Variants in FRMD4A observed in about 807,000 individuals in gnomAD.
FRMD4A encodes the protein FERM domain-containing protein 4A.
Under a neutral mutation model 129.1 loss-of-function variants are expected in FRMD4A, and 29 were observed. The ratio of observed to expected loss-of-function variants is 0.22; its 90% confidence interval spans 0.17 to 0.31. The LOEUF is 0.31. Among genes scored for constraint, FRMD4A ranks in the 10% least tolerant of loss-of-function variants. The probability of loss-of-function intolerance (pLI) is 1.00; values close to 1 mark genes in which losing one functional copy is unlikely to be tolerated. For missense variants in FRMD4A, 1,272 were observed against 1,375.8 expected (o/e 0.92, Z 1.19); for synonymous variants, 634 against 571.6 (o/e 1.11, Z -1.56).
At chr10:14,075,085 G>A (rs1870749) in intron 2 of FRMD4A, among the ~76,000 whole-genome samples, 5,059 of 152,204 alleles carry the variant, frequency 0.033, 137 homozygotes, top group African/African-American at 0.08. Context: ...CAGTGCTAAC[G>A]TAGCACTGCC....
intron 2 of FRMD4A, among the ~76,000 whole-genome samples, chr10:14,151,584 T>A (rs1840340908): frequency 6.6e-6 from 1 of 151,814 alleles, no homozygotes; most frequent in African/African-American, 2.4e-5. Flanking sequence ...GGGAGTCCAA[T>A]CCCCCCTTTA....
chr10:14,057,170 G>A (rs1043047481), intron 2 of FRMD4A, among the ~76,000 whole-genome samples: 3 of 152,192 alleles, frequency 2.0e-5, no homozygotes, highest in African/African-American at 7.2e-5. Flanking sequence ...GTTATGTAAT[G>A]TAATATTGTC....
intron 2 of FRMD4A, among the ~76,000 whole-genome samples, chr10:14,087,184 C>T: frequency 6.8e-6 from 1 of 147,704 alleles, no homozygotes; most frequent in Middle Eastern, 3.5e-3. Context: ...TAATTATATA[C>T]TACATAAATT....
intron 2 of FRMD4A, among the ~76,000 whole-genome samples, chr10:13,950,722 C>T (rs984241187): frequency 6.6e-6 from 1 of 152,194 alleles, no homozygotes; most frequent in Admixed American, 6.5e-5. Flanking sequence ...CATTTGCACG[C>T]CCGCTTCCCT....
chr10:13,684,507 G>A (rs557339704), intron 15 of FRMD4A: 110 of 985,070 alleles, frequency 1.1e-4, no homozygotes, highest in Non-Finnish European at 1.2e-4. Context: ...TGGAGGCAAC[G>A]CCAGCAGCAC....
rs10706168 is a variant in FRMD4A at position 13,728,573 on chromosome 10, C to CTTTTTTTTT, written c.759+9262_759+9270dup. On this transcript the variant is annotated intron_variant, in intron 12 of 24. Coordinates refer to ENST00000357447, the MANE Select transcript of FRMD4A (RefSeq NM_018027.5). ...TCAGTGCTTTCAGGTGATTACCATT[C>CTTTTTTTTT]TTTTTTTTTTTTTTTTTGAGATGGA... Among the ~76,000 whole-genome samples, 605 of 78,292 alleles carry CTTTTTTTTT rather than the reference C, an allele frequency of 7.7e-3. 59 individuals are homozygous for CTTTTTTTTT. The highest frequency in any genetic ancestry group is 0.014 in the South Asian group (25 of 1,794). 51.4% of individuals were successfully genotyped at this position (78,292 alleles called of 152,430 possible). A position where few individuals can be genotyped will look rare whatever the true frequency, so the allele number is the denominator to read the frequency against.
intron 6 of FRMD4A, among the ~76,000 whole-genome samples, chr10:13,778,982 A>G (rs189369177): frequency 2.1e-3 from 312 of 151,142 alleles, no homozygotes; most frequent in Non-Finnish European, 3.7e-3. Flanking sequence ...TTTTTAGAAA[A>G]TTCAGGACAC....
At position 14,239,501 on chromosome 10, in the gene FRMD4A, C is replaced by T. The variant is rs1246028147; in HGVS notation, c.45+90557G>A. 4.6e-5 allele frequency among the ~76,000 whole-genome samples: 7 copies of T among 152,134 alleles called. No individual in the cohort carries two copies. In the East Asian group the frequency reaches 1.4e-3, roughly 29 times the overall value. Reference sequence around the variant, plus strand: ...AATTAGCTGGGCGTGGTGGTGGGCACCTGTAGTCCCAGCTACTAGGGAGGC... The same window carrying T: ...AATTAGCTGGGCGTGGTGGTGGGCATCTGTAGTCCCAGCTACTAGGGAGGC... On this transcript the variant is annotated intron_variant, in intron 2 of 24. Transcript: ENST00000357447.
intron 2 of FRMD4A, among the ~76,000 whole-genome samples, chr10:14,158,185 G>A (rs1186958048): frequency 6.6e-6 from 1 of 152,180 alleles, no homozygotes; most frequent in African/African-American, 2.4e-5. Context: ...GAAGAATTTG[G>A]AGAAGAAAAA....
intron 17 of FRMD4A, among the ~76,000 whole-genome samples, chr10:13,669,599 C>A (rs571066225): frequency 6.6e-6 from 1 of 152,350 alleles, no homozygotes; most frequent in East Asian, 1.9e-4. Context: ...GGCTCTAAGT[C>A]CTGACCTTTT....
intron 2 of FRMD4A, among the ~76,000 whole-genome samples, chr10:13,973,614 A>G (rs1430151016): frequency 2.0e-5 from 3 of 152,152 alleles, no homozygotes; most frequent in Admixed American, 2.0e-4. Context: ...AGTAATGAAA[A>G]GCAGGTGGGT....
intron 2 of FRMD4A, among the ~76,000 whole-genome samples, chr10:14,141,948 G>T (rs565070512): frequency 6.6e-6 from 1 of 152,012 alleles, no homozygotes; most frequent in Non-Finnish European, 1.5e-5. Context: ...AAAAAATCTC[G>T]TTTCCCTTTA....
intron 2 of FRMD4A, among the ~76,000 whole-genome samples, chr10:14,022,990 C>T (rs1216660450): frequency 3.3e-5 from 5 of 152,168 alleles, no homozygotes; most frequent in African/African-American, 1.2e-4. Flanking sequence ...CCACAGATCA[C>T]CCCCAAGAGT....
At chr10:13,694,161 A>C in intron 14 of FRMD4A, 122 bp from the exon 15 acceptor site, 2 of 692,632 alleles carry the variant, frequency 2.9e-6, no homozygotes, top group African/African-American at 1.8e-5. Flanking sequence ...TCCCTGACTA[A>C]TGTGCAGCAT....
At chr10:14,317,024 T>G (rs1242839846) in intron 2 of FRMD4A, among the ~76,000 whole-genome samples, 1 of 152,208 alleles carries the variant, frequency 6.6e-6, no homozygotes, top group Non-Finnish European at 1.5e-5. Context: ...ACTTTGTCGC[T>G]CAATTGTATG....
chr10:14,063,053 C>G (rs1565222154), intron 2 of FRMD4A, among the ~76,000 whole-genome samples: 1 of 152,194 alleles, frequency 6.6e-6, no homozygotes, highest in Non-Finnish European at 1.5e-5. Context: ...ACTCCAATTA[C>G]ACAACTTAGC....
At chr10:13,942,658 G>A (rs900251506) in intron 2 of FRMD4A, among the ~76,000 whole-genome samples, 4 of 152,240 alleles carry the variant, frequency 2.6e-5, no homozygotes, top group African/African-American at 9.6e-5. Flanking sequence ...GATCTAGCCA[G>A]GCGTGGTGGC....
intron 2 of FRMD4A, among the ~76,000 whole-genome samples, chr10:13,964,735 G>A (rs569991286): frequency 1.2e-4 from 18 of 148,400 alleles, no homozygotes; most frequent in African/African-American, 1.7e-4. Flanking sequence ...GCAATGGCGC[G>A]ATCTCAGCTC....
intron 2 of FRMD4A, among the ~76,000 whole-genome samples, chr10:14,251,222 C>CAGA (rs1346246504): frequency 1.3e-5 from 2 of 152,176 alleles, no homozygotes; most frequent in African/African-American, 4.8e-5. Context: ...ATCAATACAG[C>CAGA]AGAAGTCAAG....
Sources: gnomAD v4.1 joint callset for allele counts (sites outside exome capture counted in the v4.1 genomes callset) on GRCh38, gnomAD v4.1.1 for gene constraint, MANE v1.5 for transcripts, NCBI Gene and HGNC (gene_info 2026-07-23, HGNC 2026-07-21) for gene names.